BCAP31: variants seen among roughly 807,000 people sequenced by gnomAD.
The protein encoded by BCAP31 is B-cell receptor-associated protein 31.
For missense variants in BCAP31, 124 were observed against 193.0 expected (o/e 0.64, Z 2.12); for synonymous variants, 75 against 80.9 (o/e 0.93, Z 0.39).
intron 3 of BCAP31, among the ~76,000 whole-genome samples, chrX:153,716,387 A>G (rs2091627843): frequency 9.2e-6 from 1 of 108,384 alleles, no homozygotes; most frequent in African/African-American, 3.4e-5. Flanking sequence ...CCCAACCCCC[A>G]CAATGATAAG....
intron 4 of BCAP31, among the ~76,000 whole-genome samples, chrX:153,707,130 C>G (rs1179318520): frequency 9.0e-5 from 10 of 111,226 alleles, no homozygotes; most frequent in Non-Finnish European, 1.7e-4. Flanking sequence ...TCACCTCCCC[C>G]CAGAAACCCT....
intron 4 of BCAP31, among the ~76,000 whole-genome samples, chrX:153,713,083 T>G (rs2148378074): frequency 9.0e-6 from 1 of 111,205 alleles, no homozygotes; most frequent in South Asian, 3.8e-4. Flanking sequence ...GGCGGGCGCC[T>G]GTAGTCCCAG....
At chrX:153,701,015 G>A in intron 7 of BCAP31, 40 bp from the exon 8 acceptor site, 5 of 1,154,708 alleles carry the variant, frequency 4.3e-6, no homozygotes, top group Non-Finnish European at 5.9e-6. Context: ...AGGTTGGCCG[G>A]GTCCACTCCT....
intron 4 of BCAP31, among the ~76,000 whole-genome samples, chrX:153,707,960 C>A (rs2091565537): frequency 8.8e-6 from 1 of 113,168 alleles, no homozygotes; most frequent in Non-Finnish European, 1.9e-5. Context: ...CCCAAGTAGT[C>A]TTACCCGAAT....
intron 1 of BCAP31, 128 bp downstream of exon 1, chrX:153,724,206 G>A (rs2091691481): frequency 4.6e-6 from 1 of 217,742 alleles, no homozygotes; most frequent in Non-Finnish European, 8.5e-6. Context: ...CTCACACGCA[G>A]GTAGGCTGCG....
chrX:153,705,768 G>A (rs1432290756), intron 4 of BCAP31, among the ~76,000 whole-genome samples: 6 of 111,844 alleles, frequency 5.4e-5, no homozygotes, highest in South Asian at 3.7e-4. Flanking sequence ...GAAGAGGACC[G>A]CTCCTCCCAG....
At chrX:153,719,981 G>A (rs1473563797) in intron 3 of BCAP31, among the ~76,000 whole-genome samples, 1 of 111,626 alleles carries the variant, frequency 9.0e-6, no homozygotes, top group African/African-American at 3.3e-5. Context: ...GAGCTGGAAC[G>A]ACCTGGGAAA....
chrX:153,716,203 A>G (rs147773096), intron 3 of BCAP31, among the ~76,000 whole-genome samples: 5,307 of 105,087 alleles, frequency 0.051, 321 homozygotes, highest in African/African-American at 0.17. Flanking sequence ...CCTCAGACCC[A>G]CTCCTTCCTC....
intron 2 of BCAP31, among the ~76,000 whole-genome samples, chrX:153,722,210 C>A (rs1557051215): frequency 8.9e-6 from 1 of 111,996 alleles, no homozygotes; most frequent in Non-Finnish European, 1.9e-5. Context: ...AAGCCCTCAT[C>A]ATCAGGGCTA....
Position 153,700,594 on chromosome X carries a change from A to T in BCAP31, c.*343T>A. The T allele has an allele frequency of 4.8e-6, 1 of 209,561 alleles. No homozygotes were observed. The highest frequency in any genetic ancestry group is 8.6e-6 in the Non-Finnish European group (1 of 116,536). 17.3% of individuals were successfully genotyped at this position (209,561 alleles called of 1,213,427 possible). A position where few individuals can be genotyped will look rare whatever the true frequency, so the allele number is the denominator to read the frequency against. On this transcript the variant is annotated 3_prime_UTR_variant, in exon 8 of 8. Transcript: ENST00000345046. ...ACCAAAGAAAACACCCAGAGGGCAAAACAAAAAGGGGCTCAAACCAACAGG... is the reference window on the plus strand; with the variant it reads ...ACCAAAGAAAACACCCAGAGGGCAATACAAAAAGGGGCTCAAACCAACAGG...
At chrX:153,722,076 AT>A (rs2148385041) in intron 2 of BCAP31, among the ~76,000 whole-genome samples, 1 of 111,396 alleles carries the variant, frequency 9.0e-6, no homozygotes, top group South Asian at 3.8e-4. Context: ...GTTTGTCTAT[AT>A]CCCCCGACCC....
chrX:153,707,267 T>A (rs1403526293), intron 4 of BCAP31, among the ~76,000 whole-genome samples: 1 of 110,391 alleles, frequency 9.1e-6, no homozygotes, highest in Non-Finnish European at 1.9e-5. Context: ...ATGGCTGCCC[T>A]ACCAGGCTAT....
At position 153,720,907 on chromosome X, in the gene BCAP31, A is replaced by G. The variant is rs1557050895; in HGVS notation, c.158T>C (p.Val53Ala). Residue 53 changes from valine (V) to alanine (A), a missense_variant, in exon 3 of 8, where the codon GTG becomes GCG. Physicochemically the swap from Val to Ala is moderately conservative, Grantham distance 64. Transcript: ENST00000345046. ...CAGCACAAGGATGACAATGAGAACC[A>G]CAAAGAAGGTGTTGCCATAGGACAC... ...LLVSYGNTFFVVLIVILVLLV... is the reference protein window; with the variant it reads ...LLVSYGNTFFAVLIVILVLLV... 2 of 1,211,825 alleles carry G rather than the reference A, an allele frequency of 1.7e-6. No individual in the cohort carries two copies. The highest frequency in any genetic ancestry group is 2.2e-6 in the Non-Finnish European group (2 of 895,487).
intron 3 of BCAP31, among the ~76,000 whole-genome samples, chrX:153,718,308 A>T (rs1197924483): frequency 2.3e-5 from 2 of 86,311 alleles, no homozygotes; most frequent in Admixed American, 2.5e-4. Flanking sequence ...ACAAAGTGAG[A>T]TTCCATCTCA....
At chrX:153,721,739 T>TA (rs1401566927) in intron 2 of BCAP31, among the ~76,000 whole-genome samples, 1 of 105,156 alleles carries the variant, frequency 9.5e-6, no homozygotes, top group Admixed American at 1.0e-4. Context: ...AATATATATA[T>TA]AAAAAAAAAT....
At position 153,716,841 on chromosome X, in the gene BCAP31, T is replaced by C. The variant is rs928756643; in HGVS notation, c.194-1152A>G. 1.2e-4 allele frequency among the ~76,000 whole-genome samples: 13 copies of C among 112,404 alleles called. No individual in the cohort carries two copies. The Admixed American group carries it at 1.2e-3, about 11-fold the overall frequency. ...GGATACCAGCTAGGAGTCAAGGGTT[T>C]CATTTCAAAGCTTTACAATGGGTTT... On this transcript the variant is annotated intron_variant, in intron 3 of 7. Coordinates refer to ENST00000345046, the MANE Select transcript of BCAP31 (RefSeq NM_001256447.2).
intron 4 of BCAP31, 98 bp downstream of exon 4, chrX:153,715,444 T>C (rs1557049897): frequency 1.8e-6 from 2 of 1,094,244 alleles, no homozygotes; most frequent in Admixed American, 2.3e-5. Context: ...TGAGGAGGAA[T>C]CAAAGTCACA....
chrX:153,710,186 G>A (rs2091581387), intron 4 of BCAP31, among the ~76,000 whole-genome samples: 1 of 111,974 alleles, frequency 8.9e-6, no homozygotes, highest in African/African-American at 3.2e-5. Context: ...AGACTGTGGG[G>A]GAGCCGCGTC....
chrX:153,718,584 T>A (rs1352882855), intron 3 of BCAP31, among the ~76,000 whole-genome samples: 3 of 112,350 alleles, frequency 2.7e-5, no homozygotes. Flanking sequence ...AAAATACTCA[T>A]GATGGTTACC....
Sources: allele counts gnomAD v4.1 joint callset (sites outside exome capture counted in the v4.1 genomes callset), GRCh38; gene constraint gnomAD v4.1.1; transcripts MANE v1.5; gene names NCBI Gene and HGNC (gene_info 2026-07-23, HGNC 2026-07-21).